The following GSTCD variants were observed in gnomAD, a reference collection of about 807,000 sequenced individuals.
GSTCD encodes the protein glutathione S-transferase C-terminal domain-containing protein.
In GSTCD, 44 loss-of-function variants were observed where a neutral mutation model predicts 68.3. The observed-to-expected ratio is 0.64, with a 90% CI of 0.51 to 0.83. The LOEUF is 0.83. GSTCD is among the 40% of genes least tolerant of loss of function. The probability of loss-of-function intolerance (pLI) is 0.00; values close to 1 mark genes in which losing one functional copy is unlikely to be tolerated. For synonymous variants in GSTCD, 273 were observed against 255.2 expected (o/e 1.07, Z -0.67); for missense variants, 739 against 735.9 (o/e 1.00, Z -0.05).
In GSTCD at chr4:105,846,654, A is replaced by C. The variant is rs930196519; in HGVS notation, c.*1077A>C. The C allele has an allele frequency of 6.6e-6, 1 of 151,926 alleles. No homozygotes were observed. The highest frequency in any genetic ancestry group is 2.4e-5 in the African/African-American group (1 of 41,384). 9.4% of individuals were successfully genotyped at this position (151,926 alleles called of 1,614,324 possible). On this transcript the variant is annotated 3_prime_UTR_variant, in exon 12 of 12. Coordinates refer to ENST00000515279, the MANE Select transcript of GSTCD (RefSeq NM_001370181.1). ...TAGATCATCTAGAAGAAAAAGATTA[A>C]AGAATTAGTTAAGCTTTTTTTTTTT... is the stretch of plus-strand genomic sequence containing the variant.
At chr4:105,772,825 T>C (rs1734906940) in intron 5 of GSTCD, among the ~76,000 whole-genome samples, 1 of 152,176 alleles carries the variant, frequency 6.6e-6, no homozygotes, top group African/African-American at 2.4e-5. Context: ...TTTCTTTTTT[T>C]GTTGTGTCTC....
At chr4:105,798,276 T>G (rs558166533) in intron 5 of GSTCD, among the ~76,000 whole-genome samples, 3 of 152,104 alleles carry the variant, frequency 2.0e-5, no homozygotes, top group African/African-American at 7.2e-5. Context: ...AGTTGCTTCC[T>G]CTTCTGAAGT....
chr4:105,829,187 T>TAAAAAAAAAAAAAAA (rs761947774), intron 8 of GSTCD, among the ~76,000 whole-genome samples: 1 of 114,946 alleles, frequency 8.7e-6, no homozygotes, highest in Non-Finnish European at 1.8e-5. Context: ...CAGCTATAAT[T>TAAAAAAAAAAAAAAA]AAAAAAAAAA....
At chr4:105,768,278 C>T (rs1162598896) in intron 5 of GSTCD, among the ~76,000 whole-genome samples, 1 of 152,128 alleles carries the variant, frequency 6.6e-6, no homozygotes, top group Non-Finnish European at 1.5e-5. Context: ...GATCCGCCCG[C>T]CTCAGCCTCC....
At chr4:105,845,316 C>A in intron 11 of GSTCD, 125 bp from the exon 12 acceptor site, 1 of 927,320 alleles carries the variant, frequency 1.1e-6, no homozygotes, top group Non-Finnish European at 1.6e-6. Flanking sequence ...CTAAACAAGA[C>A]TTAGGGGTAC....
chr4:105,708,800 C>A lies in GSTCD; in HGVS notation c.-238C>A. The A allele has an allele frequency of 6.3e-6, 1 of 158,836 alleles. No homozygotes were observed. Among genetic ancestry groups the A allele is most frequent in the Non-Finnish European group, 1.4e-5 (1 of 73,710 alleles). 9.8% of individuals were successfully genotyped at this position (158,836 alleles called of 1,614,324 possible). On this transcript the variant is annotated 5_prime_UTR_variant, in exon 1 of 12. Coordinates refer to ENST00000515279, the MANE Select transcript of GSTCD (RefSeq NM_001370181.1). ...GGAAGTGACGTTACTTCCCTTTTTC[C>A]GGTCCGCCGGATTATGAATGACGGC...
intron 5 of GSTCD, among the ~76,000 whole-genome samples, chr4:105,758,104 C>T (rs1734260268): frequency 6.6e-6 from 1 of 152,108 alleles, no homozygotes; most frequent in African/African-American, 2.4e-5. Flanking sequence ...TACAAGTACC[C>T]CTAATATAAC....
intron 5 of GSTCD, among the ~76,000 whole-genome samples, 181 bp downstream of exon 5, chr4:105,729,680 T>C (rs1216590159): frequency 6.6e-6 from 1 of 152,192 alleles, no homozygotes; most frequent in Admixed American, 6.5e-5. Flanking sequence ...ATTTAATATT[T>C]CTCACATTTT....
chr4:105,781,802 C>CT (rs879900238), intron 5 of GSTCD, among the ~76,000 whole-genome samples: 392 of 136,952 alleles, frequency 2.9e-3, no homozygotes, highest in South Asian at 0.012. Context: ...TCTTTTTTTT[C>CT]TTTTTTTTTT....
intron 8 of GSTCD, among the ~76,000 whole-genome samples, chr4:105,827,404 G>A (rs1018696273): frequency 6.6e-6 from 1 of 152,068 alleles, no homozygotes; most frequent in Admixed American, 6.6e-5. Context: ...ATATCTCTTT[G>A]GAAGTGAAAT....
At chr4:105,731,056 T>C (rs1056656516) in intron 5 of GSTCD, among the ~76,000 whole-genome samples, 3 of 152,216 alleles carry the variant, frequency 2.0e-5, no homozygotes, top group Non-Finnish European at 2.9e-5. Flanking sequence ...TGTGGTATTA[T>C]TTCTGAGGGC....
chr4:105,729,284 C>A, intron 4 of GSTCD, 122 bp from the exon 5 acceptor site: 1 of 436,910 alleles, frequency 2.3e-6, no homozygotes, highest in Non-Finnish European at 4.0e-6. Flanking sequence ...TGGGGAATAG[C>A]TGATGATTAT....
chr4:105,815,739 C>T (rs1722950966), intron 5 of GSTCD, among the ~76,000 whole-genome samples: 1 of 152,132 alleles, frequency 6.6e-6, no homozygotes, highest in Non-Finnish European at 1.5e-5. Flanking sequence ...AGACACCTTA[C>T]TGTTGTTAAC....
intron 8 of GSTCD, among the ~76,000 whole-genome samples, chr4:105,834,170 G>A (rs561308201): frequency 5.3e-5 from 8 of 152,090 alleles, no homozygotes; most frequent in African/African-American, 1.4e-4. Flanking sequence ...TAATAGACTC[G>A]AAATTCTTGT....
chr4:105,724,125 A>G (rs1732954986), intron 3 of GSTCD, among the ~76,000 whole-genome samples: 1 of 151,820 alleles, frequency 6.6e-6, no homozygotes, highest in Non-Finnish European at 1.5e-5. Context: ...ATTTCCTGTG[A>G]CTTGACCTTT....
chr4:105,753,518 T>C (rs575178588), intron 5 of GSTCD, among the ~76,000 whole-genome samples: 26 of 152,044 alleles, frequency 1.7e-4, no homozygotes, highest in South Asian at 6.2e-4. Flanking sequence ...TTTTTTCTTG[T>C]CATGATGCCC....
At chr4:105,718,148 A>T in intron 2 of GSTCD, 109 bp downstream of exon 2, 3 of 855,716 alleles carry the variant, frequency 3.5e-6, no homozygotes, top group African/African-American at 1.7e-5. Context: ...TATTTATTTT[A>T]AAAAACCCCA....
intron 5 of GSTCD, among the ~76,000 whole-genome samples, chr4:105,754,066 A>G (rs1578438883): frequency 6.6e-6 from 1 of 152,048 alleles, no homozygotes; most frequent in African/African-American, 2.4e-5. Context: ...ACTATTCATT[A>G]CGATTGAAAT....
intron 5 of GSTCD, among the ~76,000 whole-genome samples, chr4:105,810,496 G>GT (rs1254160803): frequency 6.6e-6 from 1 of 151,964 alleles, no homozygotes; most frequent in African/African-American, 2.4e-5. Context: ...TTTATATTCT[G>GT]TTTTTTTACT....
Sources: gnomAD v4.1 joint callset for allele counts (sites outside exome capture counted in the v4.1 genomes callset) on GRCh38, gnomAD v4.1.1 for gene constraint, MANE v1.5 for transcripts, NCBI Gene and HGNC (gene_info 2026-07-23, HGNC 2026-07-21) for gene names.